Variants in PKIA observed in about 807,000 individuals in gnomAD.
PKIA encodes cAMP-dependent protein kinase inhibitor alpha, also known as PKI-alpha.
A neutral mutation model predicts 7.6 loss-of-function variants in PKIA; 4 were observed. The observed-to-expected ratio is 0.52, with a 90% CI of 0.26 to 1.20. The LOEUF is 1.20. Among genes scored for constraint, PKIA ranks in the 50% most tolerant of loss-of-function variants. The pLI is 0.13. For missense variants in PKIA, 73 were observed against 86.2 expected (o/e 0.85, Z 0.61); for synonymous variants, 21 against 30.7 (o/e 0.68, Z 1.04).
At chr8:78,555,916 A>G (rs1454126560) in intron 1 of PKIA, among the ~76,000 whole-genome samples, 1 of 152,080 alleles carries the variant, frequency 6.6e-6, no homozygotes, top group East Asian at 1.9e-4. Context: ...TCCCAACACT[A>G]TGATTTTGTT....
At position 78,521,066 on chromosome 8, in the gene PKIA, C is replaced by T. The variant is rs1430111736; in HGVS notation, c.-157+4598C>T. Reference sequence around the variant, plus strand: ...AAAGGCATGGAAAGGGAGCTCCGAACGTTACACATTCCAAATGACTTATTT... The same window carrying T: ...AAAGGCATGGAAAGGGAGCTCCGAATGTTACACATTCCAAATGACTTATTT... On this transcript the variant is annotated intron_variant, in intron 1 of 3. Transcript: ENST00000396418. Among the ~76,000 whole-genome samples, 13 of 152,154 alleles carry T rather than the reference C, an allele frequency of 8.5e-5. No individual in the cohort carries two copies. In the Middle Eastern group the frequency reaches 0.017, roughly 199 times the overall value.
intron 1 of PKIA, among the ~76,000 whole-genome samples, chr8:78,517,505 CT>C (rs1338900397): frequency 6.6e-6 from 1 of 152,182 alleles, no homozygotes; most frequent in African/African-American, 2.4e-5. Context: ...GGGACAAATC[CT>C]TTCCAAAAGG....
intron 1 of PKIA, among the ~76,000 whole-genome samples, chr8:78,563,668 G>A (rs1807336961): frequency 6.6e-6 from 1 of 152,200 alleles, no homozygotes; most frequent in Non-Finnish European, 1.5e-5. Context: ...GTGGACAAAG[G>A]TGTTGGAGTG....
chr8:78,542,134 G>A (rs1432041818), intron 1 of PKIA, among the ~76,000 whole-genome samples: 1 of 152,112 alleles, frequency 6.6e-6, no homozygotes, highest in Non-Finnish European at 1.5e-5. Flanking sequence ...CTGCACTTCA[G>A]CCTAGGCTAC....
intron 1 of PKIA, among the ~76,000 whole-genome samples, chr8:78,539,729 A>C (rs905263905): frequency 6.6e-6 from 1 of 152,056 alleles, no homozygotes; most frequent in Non-Finnish European, 1.5e-5. Context: ...TGCAGTGCTT[A>C]AATTTAAAGG....
intron 2 of PKIA, among the ~76,000 whole-genome samples, chr8:78,589,970 T>G (rs1207147463): frequency 6.6e-6 from 1 of 152,188 alleles, no homozygotes; most frequent in African/African-American, 2.4e-5. Context: ...GGCAAACTAG[T>G]TGTTCAAACT....
At chr8:78,590,778 A>G (rs1202477441) in intron 2 of PKIA, among the ~76,000 whole-genome samples, 1 of 152,024 alleles carries the variant, frequency 6.6e-6, no homozygotes, top group African/African-American at 2.4e-5. Context: ...AATTTCCCAT[A>G]TGTTAAATAT....
intron 1 of PKIA, among the ~76,000 whole-genome samples, chr8:78,551,200 A>G (rs923787095): frequency 2.0e-5 from 3 of 152,110 alleles, no homozygotes; most frequent in African/African-American, 7.2e-5. Context: ...TAGTTTGGTA[A>G]TATGAATGCT....
At chr8:78,559,948 C>T (rs7010378) in intron 1 of PKIA, among the ~76,000 whole-genome samples, 24,128 of 152,058 alleles carry the variant, frequency 0.16, 2,586 homozygotes, top group African/African-American at 0.31. Flanking sequence ...ATAAATCATA[C>T]GAATCTCTCT....
At chr8:78,583,877 A>G (rs546938105) in intron 2 of PKIA, among the ~76,000 whole-genome samples, 2 of 152,228 alleles carry the variant, frequency 1.3e-5, no homozygotes, top group Non-Finnish European at 2.9e-5. Flanking sequence ...TGATTTTTCA[A>G]AAAAGAAATT....
intron 1 of PKIA, among the ~76,000 whole-genome samples, chr8:78,548,421 C>T (rs1465719728): frequency 6.6e-6 from 1 of 152,096 alleles, no homozygotes; most frequent in Non-Finnish European, 1.5e-5. Flanking sequence ...ATAAAAACTG[C>T]AGCTCATTGG....
At chr8:78,578,079 T>C (rs1807717908) in intron 2 of PKIA, among the ~76,000 whole-genome samples, 1 of 152,008 alleles carries the variant, frequency 6.6e-6, no homozygotes, top group Non-Finnish European at 1.5e-5. Context: ...AGATGACTTA[T>C]AGATGGTTGG....
intron 2 of PKIA, among the ~76,000 whole-genome samples, chr8:78,579,925 G>A (rs373654467): frequency 6.6e-6 from 1 of 151,934 alleles, no homozygotes; most frequent in African/African-American, 2.4e-5. Context: ...ATACCAAGCT[G>A]GTATATTTGT....
chr8:78,555,347 A>T (rs1044578981), intron 1 of PKIA, among the ~76,000 whole-genome samples: 1 of 131,674 alleles, frequency 7.6e-6, no homozygotes, highest in African/African-American at 3.9e-5. Flanking sequence ...AGACTGAGGT[A>T]AAAAAAAAAT....
chr8:78,561,111 A>T (rs1807274056), intron 1 of PKIA, among the ~76,000 whole-genome samples: 1 of 152,182 alleles, frequency 6.6e-6, no homozygotes, highest in South Asian at 2.1e-4. Context: ...CTGCTGGTAG[A>T]TCTTTTGCGA....
At chr8:78,541,542 T>C (rs1437203976) in intron 1 of PKIA, among the ~76,000 whole-genome samples, 2 of 152,170 alleles carry the variant, frequency 1.3e-5, no homozygotes, top group Non-Finnish European at 2.9e-5. Context: ...TAAATTTACA[T>C]ATATATAGTA....
chr8:78,554,741 T>C (rs996176774), intron 1 of PKIA, among the ~76,000 whole-genome samples: 1 of 152,072 alleles, frequency 6.6e-6, no homozygotes, highest in African/African-American at 2.4e-5. Context: ...ATTGTAGTTA[T>C]ACCTGATATG....
Position 78,572,804 on chromosome 8 carries a change from A to T in PKIA, c.-156-7A>T, listed in dbSNP as rs969110474. 1 of 151,986 alleles carries T rather than the reference A, an allele frequency of 6.6e-6. No homozygotes were observed. Among genetic ancestry groups the T allele is most frequent in the African/African-American group, 2.4e-5 (1 of 41,386 alleles). The allele number at this position is 151,986 out of a possible 1,614,324, so 9.4% of individuals were successfully genotyped here. On this transcript the variant is annotated splice_polypyrimidine_tract_variant and splice_region_variant and intron_variant, in intron 1 of 3. Coordinates refer to ENST00000396418, the MANE Select transcript of PKIA (RefSeq NM_006823.4). ...AATTTCCCTTTCTCTTGCTATCTGC[A>T]TTTCAGTTTCCTGACTTTCTGAGAA...
At chr8:78,595,270 G>A (rs1808200866) in intron 2 of PKIA, among the ~76,000 whole-genome samples, 1 of 152,118 alleles carries the variant, frequency 6.6e-6, no homozygotes, top group African/African-American at 2.4e-5. Flanking sequence ...GGACCTAGAG[G>A]AAACTAAAAA....
Sources: gnomAD v4.1 joint callset for allele counts (sites outside exome capture counted in the v4.1 genomes callset) on GRCh38, gnomAD v4.1.1 for gene constraint, MANE v1.5 for transcripts, NCBI Gene and HGNC (gene_info 2026-07-23, HGNC 2026-07-21) for gene names.